GRID2: variants seen among roughly 807,000 people sequenced by gnomAD.
The protein encoded by GRID2 is glutamate ionotropic receptor delta type subunit 2, also known as glutamate receptor ionotropic, delta-2.
GRID2 carries 33 observed loss-of-function variants against 114.8 expected under a neutral mutation model. The ratio of observed to expected loss-of-function variants is 0.29; its 90% CI spans 0.22 to 0.38. GRID2 has a LOEUF of 0.38. Among genes scored for constraint, GRID2 ranks in the 10% least tolerant of loss-of-function variants. The pLI is 1.00. For synonymous variants in GRID2, 505 were observed against 449.9 expected, an observed-to-expected ratio of 1.12 and a Z score of -1.55; for missense variants, 1,184 against 1,257.7, an observed-to-expected ratio of 0.94 and a Z score of 0.89.
intron 13 of GRID2, among the ~76,000 whole-genome samples, chr4:93,540,265 G>A (rs1345518163): frequency 6.6e-6 from 1 of 151,798 alleles, no homozygotes; most frequent in Non-Finnish European, 1.5e-5. Flanking sequence ...ATATATATAA[G>A]GATAGTGCTT....
At chr4:92,525,527 T>C (rs1374160166) in intron 1 of GRID2, among the ~76,000 whole-genome samples, 3 of 151,860 alleles carry the variant, frequency 2.0e-5, no homozygotes, top group Non-Finnish European at 4.4e-5. Context: ...ACAGTGGAGG[T>C]ACAGATGGCA....
At chr4:93,311,675 A>G (rs1411673305) in intron 8 of GRID2, among the ~76,000 whole-genome samples, 3 of 152,178 alleles carry the variant, frequency 2.0e-5, no homozygotes, top group African/African-American at 7.2e-5. Context: ...TTGTTGGCAG[A>G]CGAGCATTCA....
At chr4:93,625,068 AT>A (rs1277959355) in intron 13 of GRID2, among the ~76,000 whole-genome samples, 1 of 152,162 alleles carries the variant, frequency 6.6e-6, no homozygotes, top group Non-Finnish European at 1.5e-5. Flanking sequence ...AGGACAGGAG[AT>A]ATAGCTCATC....
chr4:93,569,726 A>G (rs777177246), intron 13 of GRID2, among the ~76,000 whole-genome samples: 2 of 152,040 alleles, frequency 1.3e-5, no homozygotes, highest in African/African-American at 2.4e-5. Flanking sequence ...CTTCAGCCGC[A>G]CTGGTCTTTG....
chr4:92,778,723 A>G (rs1738924239), intron 2 of GRID2, among the ~76,000 whole-genome samples: 1 of 152,152 alleles, frequency 6.6e-6, no homozygotes, highest in Non-Finnish European at 1.5e-5. Flanking sequence ...ATGAACATTG[A>G]GCGCAGAGTT....
At chr4:93,007,683 A>T (rs1167056414) in intron 2 of GRID2, among the ~76,000 whole-genome samples, 1 of 152,132 alleles carries the variant, frequency 6.6e-6, no homozygotes, top group Non-Finnish European at 1.5e-5. Flanking sequence ...AAAGGTGTTA[A>T]AAGGGGTAGA....
At chr4:92,900,881 C>T (rs1188611459) in intron 2 of GRID2, among the ~76,000 whole-genome samples, 1 of 149,396 alleles carries the variant, frequency 6.7e-6, no homozygotes, top group Non-Finnish European at 1.5e-5. Context: ...CAGTTTCATC[C>T]ATATTGCTGC....
chr4:93,402,051 A>G (rs1411515809), intron 9 of GRID2, among the ~76,000 whole-genome samples: 1 of 152,098 alleles, frequency 6.6e-6, no homozygotes, highest in Non-Finnish European at 1.5e-5. Flanking sequence ...AAGTAAAGCA[A>G]TGTACTTAAT....
At chr4:92,659,668 G>A (rs1275991808) in intron 2 of GRID2, among the ~76,000 whole-genome samples, 1 of 151,464 alleles carries the variant, frequency 6.6e-6, no homozygotes, top group Non-Finnish European at 1.5e-5. Flanking sequence ...GGACAAGGAT[G>A]TGGGGGGAAA....
chr4:92,354,194 A>G (rs1728208184), intron 1 of GRID2, among the ~76,000 whole-genome samples: 1 of 151,996 alleles, frequency 6.6e-6, no homozygotes, highest in South Asian at 2.1e-4. Context: ...CAAGACTGCT[A>G]CCCAACCATC....
chr4:93,763,641 A>T (rs1233820455), intron 14 of GRID2, among the ~76,000 whole-genome samples: 1 of 152,172 alleles, frequency 6.6e-6, no homozygotes, highest in Non-Finnish European at 1.5e-5. Flanking sequence ...GCCCAATTCA[A>T]CTATTTATTA....
At chr4:93,446,713 A>G (rs1049772493) in intron 10 of GRID2, among the ~76,000 whole-genome samples, 6 of 151,998 alleles carry the variant, frequency 3.9e-5, no homozygotes, top group African/African-American at 1.4e-4. Context: ...ATTTCTATGT[A>G]GACTCTACTA....
chr4:92,353,063 G>C (rs1236918943), intron 1 of GRID2, among the ~76,000 whole-genome samples: 1 of 151,432 alleles, frequency 6.6e-6, no homozygotes, highest in African/African-American at 2.4e-5. Flanking sequence ...TTTTCTTTCT[G>C]CTCCTCAGGC....
At chr4:93,601,021 G>T (rs1285709951) in intron 13 of GRID2, among the ~76,000 whole-genome samples, 1 of 152,186 alleles carries the variant, frequency 6.6e-6, no homozygotes, top group African/African-American at 2.4e-5. Flanking sequence ...GGGTGAGGAA[G>T]AGGGCAAGGA....
intron 8 of GRID2, among the ~76,000 whole-genome samples, chr4:93,336,021 C>A (rs866151949): frequency 6.6e-6 from 1 of 152,108 alleles, no homozygotes; most frequent in African/African-American, 2.4e-5. Flanking sequence ...TTCTCTAAAA[C>A]ATTTCAAAAA....
chr4:92,588,313 TAAAA>T (rs1022095036), intron 1 of GRID2, among the ~76,000 whole-genome samples: 4 of 151,998 alleles, frequency 2.6e-5, no homozygotes, highest in Admixed American at 1.3e-4. Flanking sequence ...ATTTGATTAA[TAAAA>T]TAATAATATT....
intron 10 of GRID2, among the ~76,000 whole-genome samples, chr4:93,441,414 G>T (rs142649549): frequency 2.6e-5 from 4 of 151,960 alleles, no homozygotes; most frequent in Non-Finnish European, 5.9e-5. Flanking sequence ...TATGCTACAA[G>T]TAAAAGAGAA....
chr4:92,426,638 G>A (rs1429505907), intron 1 of GRID2, among the ~76,000 whole-genome samples: 2 of 151,998 alleles, frequency 1.3e-5, no homozygotes, highest in Non-Finnish European at 2.9e-5. Context: ...CTTCCCCTTT[G>A]GAAATACAAT....
chr4:92,805,668 C>T (rs1740374880), intron 2 of GRID2, among the ~76,000 whole-genome samples: 1 of 151,908 alleles, frequency 6.6e-6, no homozygotes, highest in African/African-American at 2.4e-5. Flanking sequence ...TGCAGTGGCT[C>T]ACGCTTGTAA....
Sources: allele counts gnomAD v4.1 joint callset (sites outside exome capture counted in the v4.1 genomes callset), GRCh38; gene constraint gnomAD v4.1.1; transcripts MANE v1.5; gene names NCBI Gene and HGNC (gene_info 2026-07-23, HGNC 2026-07-21).